CDH13: variants seen among roughly 807,000 people sequenced by gnomAD.
CDH13 encodes the protein cadherin 13.
CDH13 carries 24 observed loss-of-function variants against 63.8 expected under a neutral mutation model. That is an observed-to-expected ratio of 0.38 (90% CI 0.27 to 0.53). CDH13 has a LOEUF of 0.53. Ranked by LOEUF, CDH13 falls within the 20% of genes least tolerant of loss-of-function variation. CDH13 has a pLI of 0.85. For missense variants in CDH13, 1,049 were observed against 903.1 expected (o/e 1.16, Z -2.07); for synonymous variants, 503 against 355.3 (o/e 1.42, Z -4.67).
intron 7 of CDH13, among the ~76,000 whole-genome samples, chr16:83,594,823 G>A (rs1039266681): frequency 6.6e-6 from 1 of 152,128 alleles, no homozygotes; most frequent in Non-Finnish European, 1.5e-5. Flanking sequence ...AAACGTCGAG[G>A]GTCTGGTGAT....
At chr16:82,633,629 G>A (rs544151260) in intron 1 of CDH13, among the ~76,000 whole-genome samples, 2 of 152,194 alleles carry the variant, frequency 1.3e-5, no homozygotes, top group South Asian at 2.1e-4. Context: ...CACCTGCCTC[G>A]GCCTCCCCAA....
intron 1 of CDH13, among the ~76,000 whole-genome samples, chr16:82,753,649 C>G (rs1216186980): frequency 2.0e-5 from 3 of 152,158 alleles, no homozygotes; most frequent in African/African-American, 7.2e-5. Context: ...GATTCTAGTG[C>G]CAAATTGTAG....
chr16:82,828,327 G>C (rs2549153), intron 1 of CDH13, among the ~76,000 whole-genome samples: 1 of 151,900 alleles, frequency 6.6e-6, no homozygotes, highest in African/African-American at 2.4e-5. Context: ...TGGATCAAAA[G>C]TATCCTCTGG....
chr16:83,010,617 G>C (rs1238558547), intron 2 of CDH13, among the ~76,000 whole-genome samples: 1 of 152,044 alleles, frequency 6.6e-6, no homozygotes, highest in Non-Finnish European at 1.5e-5. Flanking sequence ...TAGTTGTCCA[G>C]AATATTTTCA....
chr16:83,658,758 A>T (rs1913138633), intron 8 of CDH13, among the ~76,000 whole-genome samples: 1 of 144,618 alleles, frequency 6.9e-6, no homozygotes, highest in East Asian at 2.2e-4. Context: ...CTCACCAGCA[A>T]GGTCCCATAT....
At chr16:83,058,334 A>G (rs543646979) in intron 3 of CDH13, among the ~76,000 whole-genome samples, 12 of 152,310 alleles carry the variant, frequency 7.9e-5, no homozygotes, top group Admixed American at 6.5e-4. Flanking sequence ...CGTTTTGTTC[A>G]AGTGGGGTTT....
At chr16:83,668,079 A>C (rs1235007979) in intron 8 of CDH13, among the ~76,000 whole-genome samples, 2 of 152,210 alleles carry the variant, frequency 1.3e-5, no homozygotes, top group African/African-American at 4.8e-5. Context: ...AGGGAAGATC[A>C]GTCCATCCCT....
rs138356670 is a variant in CDH13, at chr16:83,387,213, T to C, written c.781+42207T>C. 1.1e-4 allele frequency among the ~76,000 whole-genome samples: 17 copies of C among 152,300 alleles called. No homozygotes were observed. The East Asian group carries it at 3.3e-3, about 29-fold the overall frequency. On this transcript the variant is annotated intron_variant, in intron 6 of 13. Coordinates refer to ENST00000567109, the MANE Select transcript of CDH13 (RefSeq NM_001257.5). ...GGAGGAGGCAAGGTACCCATTCTTATGCTCACTTGAGATGCCATATTTGAT... is the reference window on the plus strand; with the variant it reads ...GGAGGAGGCAAGGTACCCATTCTTACGCTCACTTGAGATGCCATATTTGAT...
chr16:83,029,418 G>A (rs949285963), intron 2 of CDH13, among the ~76,000 whole-genome samples: 1 of 152,128 alleles, frequency 6.6e-6, no homozygotes, highest in Admixed American at 6.5e-5. Context: ...GATACCAGTC[G>A]AGAGTAGGAT....
chr16:83,579,873 G>C (rs150598368), intron 7 of CDH13, among the ~76,000 whole-genome samples: 12 of 152,122 alleles, frequency 7.9e-5, no homozygotes, highest in African/African-American at 2.9e-4. Flanking sequence ...GGACAAATTA[G>C]GGCAGGCTTC....
At chr16:83,348,052 C>T (rs548157214) in intron 6 of CDH13, among the ~76,000 whole-genome samples, 8 of 151,990 alleles carry the variant, frequency 5.3e-5, no homozygotes, top group East Asian at 1.9e-4. Flanking sequence ...TAGCCGGGTG[C>T]GGTGGTGGGT....
chr16:83,492,850 A>G (rs1343670456), intron 7 of CDH13, among the ~76,000 whole-genome samples: 2 of 151,948 alleles, frequency 1.3e-5, no homozygotes, highest in East Asian at 3.9e-4. Context: ...GAGTCTCAGG[A>G]CTCCACTGGT....
At chr16:83,744,101 T>C (rs981049585) in intron 10 of CDH13, among the ~76,000 whole-genome samples, 3 of 152,182 alleles carry the variant, frequency 2.0e-5, no homozygotes, top group African/African-American at 7.2e-5. Context: ...GTAGTGATGC[T>C]CTTAAAGGGT....
At chr16:83,468,054 T>C (rs1236528938) in intron 6 of CDH13, among the ~76,000 whole-genome samples, 1 of 152,236 alleles carries the variant, frequency 6.6e-6, no homozygotes, top group African/African-American at 2.4e-5. Context: ...ACAAACTGTC[T>C]TCTCTCTTGC....
chr16:82,949,982 C>G (rs190889653), intron 2 of CDH13, among the ~76,000 whole-genome samples: 97 of 152,076 alleles, frequency 6.4e-4, no homozygotes, highest in Non-Finnish European at 5.0e-4. Flanking sequence ...AAGGAATTCA[C>G]AATGGTTAGT....
At chr16:82,980,223 C>T (rs1910081526) in intron 2 of CDH13, among the ~76,000 whole-genome samples, 1 of 152,146 alleles carries the variant, frequency 6.6e-6, no homozygotes, top group Non-Finnish European at 1.5e-5. Flanking sequence ...AGCCAGCCCT[C>T]AGTGACCCAG....
chr16:83,011,291 T>G (rs2151436879), intron 2 of CDH13, among the ~76,000 whole-genome samples: 1 of 152,280 alleles, frequency 6.6e-6, no homozygotes, highest in East Asian at 1.9e-4. Flanking sequence ...AAAAAGCTCT[T>G]AAAATGATGA....
intron 6 of CDH13, among the ~76,000 whole-genome samples, chr16:83,353,040 T>C (rs1454955077): frequency 6.6e-6 from 1 of 151,852 alleles, no homozygotes; most frequent in East Asian, 1.9e-4. Flanking sequence ...GGACATAGAG[T>C]GTGGAATAAT....
chr16:83,153,803 C>T (rs899562477), intron 4 of CDH13, among the ~76,000 whole-genome samples: 17 of 152,206 alleles, frequency 1.1e-4, no homozygotes, highest in African/African-American at 3.9e-4. Context: ...GTTTAAGCCA[C>T]TCACTTTGTG....
Sources: allele counts gnomAD v4.1 joint callset (sites outside exome capture counted in the v4.1 genomes callset), GRCh38; gene constraint gnomAD v4.1.1; transcripts MANE v1.5; gene names NCBI Gene and HGNC (gene_info 2026-07-23, HGNC 2026-07-21).